The following XPO4 variants were observed in gnomAD, a reference collection of about 807,000 sequenced individuals.
XPO4 encodes exportin 4.
XPO4 carries 39 observed loss-of-function variants against 143.0 expected under a neutral mutation model. That is an observed-to-expected ratio of 0.27 (90% CI 0.21 to 0.36). The LOEUF (loss-of-function observed/expected upper bound fraction) is 0.36, where lower values mean the gene tolerates loss of function less well. XPO4 is among the 10% of genes least tolerant of loss of function. The pLI, the probability that XPO4 is intolerant of heterozygous loss-of-function variation, is 1.00. For missense variants in XPO4, 907 were observed against 1,348.0 expected (o/e 0.67, Z 5.12); for synonymous variants, 439 against 474.0 (o/e 0.93, Z 0.96).
At chr13:20,893,936 C>T (rs779094100) in intron 1 of XPO4, among the ~76,000 whole-genome samples, 29 of 152,098 alleles carry the variant, frequency 1.9e-4, no homozygotes, top group Non-Finnish European at 3.5e-4. Context: ...CTCCGCCTCC[C>T]GGGTTCAAGT....
intron 1 of XPO4, among the ~76,000 whole-genome samples, chr13:20,897,712 T>C (rs984283335): frequency 4.6e-5 from 7 of 152,278 alleles, no homozygotes; most frequent in African/African-American, 1.7e-4. Flanking sequence ...AACAGGCAAA[T>C]CATTTGCCAT....
chr13:20,845,924 C>T (rs2060024639), intron 4 of XPO4, among the ~76,000 whole-genome samples: 1 of 152,132 alleles, frequency 6.6e-6, no homozygotes, highest in South Asian at 2.1e-4. Context: ...CTTATCCTTT[C>T]TAAGACTCTA....
chr13:20,839,946 G>A (rs2059956877), intron 6 of XPO4, among the ~76,000 whole-genome samples: 2 of 151,982 alleles, frequency 1.3e-5, no homozygotes, highest in African/African-American at 4.8e-5. Context: ...TAGTGTCACT[G>A]CACTCCAGCC....
chr13:20,861,150 T>C (rs922986118), intron 3 of XPO4, among the ~76,000 whole-genome samples: 16 of 152,114 alleles, frequency 1.1e-4, no homozygotes, highest in African/African-American at 3.9e-4. Context: ...TTTAATGACT[T>C]TGGAAATGAA....
rs2059148210 is a variant in XPO4 at position 20,781,901 on chromosome 13, C to A, written c.*1821G>T. On this transcript the variant is annotated 3_prime_UTR_variant, in exon 23 of 23. Transcript: ENST00000255305. ...AAGTTTTTTAAGGGGAAAAAAAAAA[C>A]ACCTAAAAATAAATGCATCAAAGTA... 1 of 151,460 alleles carries A rather than the reference C, an allele frequency of 6.6e-6. No individual in the cohort carries two copies. The highest frequency in any genetic ancestry group is 2.4e-5 in the African/African-American group (1 of 41,236). 9.4% of individuals were successfully genotyped at this position (151,460 alleles called of 1,614,324 possible).
chr13:20,793,200 T>C (rs1336043015), intron 18 of XPO4, among the ~76,000 whole-genome samples: 1 of 152,236 alleles, frequency 6.6e-6, no homozygotes, highest in Non-Finnish European at 1.5e-5. Context: ...AATATTCTCT[T>C]CCTTTTTACC....
rs1482112699 is a variant in XPO4, at chr13:20,788,692, G to C, written c.2917-76C>G. The C allele has an allele frequency of 3.0e-6, 4 of 1,324,106 alleles. No individual in the cohort carries two copies. In the Admixed American group the frequency reaches 1.0e-4, roughly 35 times the overall value. 82.0% of individuals were successfully genotyped at this position (1,324,106 alleles called of 1,614,324 possible). A position where few individuals can be genotyped will look rare whatever the true frequency, so the allele number is the denominator to read the frequency against. ...ATTTTCATCAATGCAATAAAATAAAGTAACTGACAAGCTTCTAAATATAAT... is the reference window on the plus strand; with the variant it reads ...ATTTTCATCAATGCAATAAAATAAACTAACTGACAAGCTTCTAAATATAAT... On this transcript the variant is annotated intron_variant, in intron 19 of 22. Coordinates refer to ENST00000255305, the MANE Select transcript of XPO4 (RefSeq NM_022459.5).
intron 2 of XPO4, among the ~76,000 whole-genome samples, chr13:20,867,174 A>G (rs1260275548): frequency 6.6e-6 from 1 of 152,214 alleles, no homozygotes; most frequent in Non-Finnish European, 1.5e-5. Flanking sequence ...CCAGAAACGA[A>G]TCCACACAAC....
At chr13:20,895,644 A>T (rs2060561900) in intron 1 of XPO4, among the ~76,000 whole-genome samples, 1 of 146,598 alleles carries the variant, frequency 6.8e-6, no homozygotes, top group Non-Finnish European at 1.5e-5. Flanking sequence ...AAAAAAAAAA[A>T]GAAGTTTAGT....
chr13:20,847,377 T>A (rs1215607849), intron 4 of XPO4, among the ~76,000 whole-genome samples: 1 of 152,004 alleles, frequency 6.6e-6, no homozygotes, highest in Non-Finnish European at 1.5e-5. Flanking sequence ...TGGGTTGTAA[T>A]GAAGATAGCT....
chr13:20,899,006 A>G (rs2060594672), intron 1 of XPO4, among the ~76,000 whole-genome samples: 1 of 152,162 alleles, frequency 6.6e-6, no homozygotes, highest in Non-Finnish European at 1.5e-5. Flanking sequence ...TCTCTACAAA[A>G]AAATATTTTT....
intron 4 of XPO4, among the ~76,000 whole-genome samples, chr13:20,854,821 C>A (rs1230175125): frequency 2.0e-5 from 3 of 152,184 alleles, no homozygotes; most frequent in African/African-American, 7.2e-5. Flanking sequence ...GAGAACCATG[C>A]TTCCCAAACT....
chr13:20,781,011 T>C lies in XPO4; in HGVS notation c.*2711A>G, dbSNP rs747901499. On this transcript the variant is annotated 3_prime_UTR_variant, in exon 23 of 23. Transcript: ENST00000255305. Reference sequence around the variant, plus strand: ...AAATGAGAAACAAACAAAGGATGTATGGAAAACTAGAGGTTAAAGGATACT... The same window carrying C: ...AAATGAGAAACAAACAAAGGATGTACGGAAAACTAGAGGTTAAAGGATACT... 2.0e-5 allele frequency: 3 copies of C among 152,150 alleles called. No homozygotes were observed. Among genetic ancestry groups the C allele is most frequent in the Non-Finnish European group, 2.9e-5 (2 of 68,024 alleles). 9.4% of individuals were successfully genotyped at this position (152,150 alleles called of 1,614,324 possible).
chr13:20,867,827 A>G (rs1484751518), intron 2 of XPO4, among the ~76,000 whole-genome samples: 10 of 152,228 alleles, frequency 6.6e-5, no homozygotes, highest in Admixed American at 6.5e-4. Flanking sequence ...GTAGCCTACT[A>G]GAGCCTTACA....
intron 18 of XPO4, among the ~76,000 whole-genome samples, chr13:20,793,699 G>A (rs2059315794): frequency 6.6e-6 from 1 of 152,064 alleles, no homozygotes; most frequent in Non-Finnish European, 1.5e-5. Context: ...GACTACAGGT[G>A]CCCACCACCA....
chr13:20,848,130 C>T (rs917865270), intron 4 of XPO4: 14 of 543,214 alleles, frequency 2.6e-5, no homozygotes, highest in Non-Finnish European at 3.1e-5. Context: ...GTCTATCATT[C>T]ACTGCTGCTG....
At chr13:20,862,619 C>A (rs2065888) in intron 3 of XPO4, 98 bp downstream of exon 3, 103,745 of 1,496,640 alleles carry the variant, frequency 0.069, 5,629 homozygotes, top group Admixed American at 0.28. Flanking sequence ...AGCCACTATA[C>A]CCACCCAAAA....
intron 4 of XPO4, chr13:20,850,326 T>C: frequency 1.1e-6 from 1 of 942,422 alleles, no homozygotes; most frequent in East Asian, 1.2e-4. Flanking sequence ...ATTAGTGAAC[T>C]AATGCCTAGA....
chr13:20,851,318 C>G, intron 4 of XPO4: 2 of 985,286 alleles, frequency 2.0e-6, no homozygotes, highest in Non-Finnish European at 2.4e-6. Flanking sequence ...TTAATGTAGT[C>G]ACCAAAATAA....
Sources: allele counts gnomAD v4.1 joint callset (sites outside exome capture counted in the v4.1 genomes callset), GRCh38; gene constraint gnomAD v4.1.1; transcripts MANE v1.5; gene names NCBI Gene and HGNC (gene_info 2026-07-23, HGNC 2026-07-21).